TMEM135: variants seen among roughly 807,000 people sequenced by gnomAD.
The protein encoded by TMEM135 is peroxisomal membrane protein 52.
Under a neutral mutation model 60.3 loss-of-function variants are expected in TMEM135, and 30 were observed. That is an observed-to-expected ratio of 0.50 (90% CI 0.37 to 0.68). The LOEUF (loss-of-function observed/expected upper bound fraction) is 0.68. TMEM135 is among the 30% of genes least tolerant of loss of function. The pLI is 0.00. For synonymous variants in TMEM135, 190 were observed against 186.7 expected, an observed-to-expected ratio of 1.02 and a Z score of -0.14; for missense variants, 468 against 548.8, an observed-to-expected ratio of 0.85 and a Z score of 1.47.
intron 5 of TMEM135, among the ~76,000 whole-genome samples, chr11:87,173,660 A>T (rs1366162514): frequency 6.6e-6 from 1 of 152,148 alleles, no homozygotes; most frequent in East Asian, 1.9e-4. Context: ...ACTTATTTTT[A>T]TTTTATTACA....
chr11:87,221,427 A>G (rs1303932553), intron 5 of TMEM135, among the ~76,000 whole-genome samples: 1 of 152,218 alleles, frequency 6.6e-6, no homozygotes, highest in Non-Finnish European at 1.5e-5. Context: ...CTAAATATTG[A>G]CACCATCGTT....
chr11:87,287,458 C>T (rs768710661), intron 6 of TMEM135, among the ~76,000 whole-genome samples: 1 of 152,178 alleles, frequency 6.6e-6, no homozygotes, highest in African/African-American at 2.4e-5. Flanking sequence ...GCGGGCAGAT[C>T]ATGAGGTCAA....
chr11:87,251,585 A>G (rs1249314513), intron 6 of TMEM135, among the ~76,000 whole-genome samples: 2 of 111,948 alleles, frequency 1.8e-5, no homozygotes, highest in African/African-American at 3.4e-5. Flanking sequence ...TAAGAACGAT[A>G]TTTTATATAT....
intron 5 of TMEM135, among the ~76,000 whole-genome samples, chr11:87,200,894 C>G (rs1033016830): frequency 5.3e-5 from 8 of 152,092 alleles, no homozygotes; most frequent in Non-Finnish European, 1.2e-4. Flanking sequence ...AGGGTGGCTT[C>G]TTTCACTTTA....
chr11:87,314,827 C>T (rs906307903), intron 12 of TMEM135, among the ~76,000 whole-genome samples: 3 of 151,822 alleles, frequency 2.0e-5, no homozygotes, highest in East Asian at 1.9e-4. Flanking sequence ...CTCCTCAACC[C>T]CACAGGTATC....
At chr11:87,225,531 T>A (rs1940747003) in intron 5 of TMEM135, among the ~76,000 whole-genome samples, 1 of 151,860 alleles carries the variant, frequency 6.6e-6, no homozygotes, top group Non-Finnish European at 1.5e-5. Context: ...AAAAATGCAA[T>A]TCAAAATAAA....
Position 87,245,062 on chromosome 11 carries a change from C to A in TMEM135, c.509+8378C>A, listed in dbSNP as rs147927163. On this transcript the variant is annotated intron_variant, in intron 6 of 14. Transcript: ENST00000305494. The stretch of plus-strand genomic sequence containing the variant: ...TGTGGTATGTTGTATCTTTGTTCTC[C>A]TTGGTTTCAAAGAACATCTTTATTT... Among the ~76,000 whole-genome samples the A allele has an allele frequency of 3.0e-5, 4 of 133,464 alleles. No homozygotes were observed. In the East Asian group the frequency reaches 6.2e-4, roughly 21 times the overall value. 87.6% of individuals were successfully genotyped at this position (133,464 alleles called of 152,430 possible).
At position 87,133,211 on chromosome 11, in the gene TMEM135, C is replaced by T. The variant is rs573127936; in HGVS notation, c.397-24130C>T. ...TATTCCATTGAATATTTTTGGACTG[C>T]AGTTGATCATGGATAACTGAAACTG... On this transcript the variant is annotated intron_variant, in intron 4 of 14. Coordinates refer to ENST00000305494, the MANE Select transcript of TMEM135 (RefSeq NM_022918.4). 5.3e-5 allele frequency among the ~76,000 whole-genome samples: 8 copies of T among 152,278 alleles called. No individual in the cohort carries two copies. The East Asian group carries it at 1.5e-3, about 29-fold the overall frequency.
intron 3 of TMEM135, among the ~76,000 whole-genome samples, chr11:87,077,233 A>G (rs1041156674): frequency 2.6e-5 from 4 of 152,248 alleles, no homozygotes; most frequent in Non-Finnish European, 4.4e-5. Context: ...GGAATGATGC[A>G]ATGTATAACG....
chr11:87,244,469 T>C (rs1473355692), intron 6 of TMEM135, among the ~76,000 whole-genome samples: 1 of 97,334 alleles, frequency 1.0e-5, no homozygotes, highest in Non-Finnish European at 2.4e-5. Context: ...CGGCTGTGAA[T>C]CCATCTGTCC....
intron 5 of TMEM135, among the ~76,000 whole-genome samples, chr11:87,172,359 T>C (rs1482462116): frequency 6.6e-6 from 1 of 151,992 alleles, no homozygotes; most frequent in Admixed American, 6.6e-5. Context: ...TTTAAAGATT[T>C]TTGTATGTAA....
At chr11:87,160,003 G>A (rs1219056612) in intron 5 of TMEM135, among the ~76,000 whole-genome samples, 2 of 152,014 alleles carry the variant, frequency 1.3e-5, no homozygotes, top group Non-Finnish European at 2.9e-5. Context: ...TTGTCCTAGG[G>A]CATTTAAAAA....
chr11:87,223,642 C>G (rs1344177915), intron 5 of TMEM135, among the ~76,000 whole-genome samples: 1 of 151,398 alleles, frequency 6.6e-6, no homozygotes, highest in African/African-American at 2.4e-5. Flanking sequence ...GAAACACTGT[C>G]TCTACTAAAA....
At chr11:87,045,425 A>G (rs1178689213) in intron 1 of TMEM135, among the ~76,000 whole-genome samples, 2 of 152,120 alleles carry the variant, frequency 1.3e-5, no homozygotes, top group South Asian at 2.1e-4. Flanking sequence ...GTTGAGAGGT[A>G]AGGGCTTAGT....
At chr11:87,110,944 G>C (rs1183102870) in intron 4 of TMEM135, among the ~76,000 whole-genome samples, 3 of 152,146 alleles carry the variant, frequency 2.0e-5, no homozygotes, top group Non-Finnish European at 4.4e-5. Context: ...GCCTGGAGCT[G>C]ACATGAAAGT....
At position 87,244,169 on chromosome 11, in the gene TMEM135, A is replaced by G. The variant is rs1393809314; in HGVS notation, c.509+7485A>G. On this transcript the variant is annotated intron_variant, in intron 6 of 14. Coordinates refer to ENST00000305494, the MANE Select transcript of TMEM135 (RefSeq NM_022918.4). ...GGATTACATTTATTGATTTGCGTAT[A>G]TTGAACCAGCCTTGCATCCCAGGGA... Among the ~76,000 whole-genome samples the G allele has an allele frequency of 3.7e-4, 25 of 68,256 alleles. 5 individuals are homozygous for G. In the East Asian group the frequency reaches 6.1e-3, roughly 17 times the overall value. The allele number at this position is 68,256 out of a possible 152,430, so 44.8% of individuals were successfully genotyped here.
chr11:87,318,309 A>C, intron 13 of TMEM135, 74 bp downstream of exon 13: 1 of 1,071,924 alleles, frequency 9.3e-7, no homozygotes, highest in Non-Finnish European at 1.4e-6. Context: ...TGGGAGAGAA[A>C]CAAACTCTGG....
At position 87,185,913 on chromosome 11, in the gene TMEM135, C is replaced by CTTTTTTTTTTTTTTTTTT. The variant is rs367985910; in HGVS notation, c.462+28517_462+28518insTTTTTTTTTTTTTTTTTT. 7.3e-3 allele frequency among the ~76,000 whole-genome samples: 1,014 copies of CTTTTTTTTTTTTTTTTTT among 138,336 alleles called. 11 individuals carry two copies. Among genetic ancestry groups the CTTTTTTTTTTTTTTTTTT allele is most frequent in the Non-Finnish European group, 9.8e-3 (631 of 64,118 alleles). The allele number at this position is 138,336 out of a possible 152,430, so 90.8% of individuals were successfully genotyped here. A position where few individuals can be genotyped will look rare whatever the true frequency, so the allele number is the denominator to read the frequency against. ...GTTTCAATCTGTTGTAGTTATCCTT[C>CTTTTTTTTTTTTTTTTTT]TTTTTTTTTTGTGAGACAGAGGTTC... is the stretch of plus-strand genomic sequence containing the variant. On this transcript the variant is annotated intron_variant, in intron 5 of 14. Coordinates refer to ENST00000305494, the MANE Select transcript of TMEM135 (RefSeq NM_022918.4).
At chr11:87,301,389 G>C (rs1174134638) in intron 7 of TMEM135, among the ~76,000 whole-genome samples, 1 of 152,038 alleles carries the variant, frequency 6.6e-6, no homozygotes, top group African/African-American at 2.4e-5. Context: ...AAGTAGCTGG[G>C]ACTACAGGCG....
Sources: gnomAD v4.1 joint callset for allele counts (sites outside exome capture counted in the v4.1 genomes callset) on GRCh38, gnomAD v4.1.1 for gene constraint, MANE v1.5 for transcripts, NCBI Gene and HGNC (gene_info 2026-07-23, HGNC 2026-07-21) for gene names.